TMEM242: variants seen among roughly 807,000 people sequenced by gnomAD.
TMEM242 encodes the protein transmembrane protein 242.
TMEM242 carries 10 observed loss-of-function variants against 18.2 expected under a neutral mutation model. The ratio of observed to expected loss-of-function variants is 0.55; its 90% CI spans 0.34 to 0.93. The LOEUF is 0.93. TMEM242 is among the 40% of genes least tolerant of loss of function. The pLI, the probability that TMEM242 is intolerant of heterozygous loss-of-function variation, is 0.02. For missense variants in TMEM242, 186 were observed against 175.5 expected (o/e 1.06, Z -0.34); for synonymous variants, 57 against 69.9 (o/e 0.81, Z 0.92).
intron 3 of TMEM242, chr6:157,300,007 G>T: frequency 8.1e-7 from 1 of 1,234,168 alleles, no homozygotes; most frequent in Middle Eastern, 2.6e-4. Context: ...TCACGGGGGT[G>T]AAGAGCCAGG....
intron 3 of TMEM242, among the ~76,000 whole-genome samples, chr6:157,310,335 C>A (rs1554248250): frequency 1.2e-4 from 1 of 8,010 alleles, no homozygotes; most frequent in Non-Finnish European, 2.9e-4. Flanking sequence ...CTTAAACTAT[C>A]TGTCTTGATA....
intron 3 of TMEM242, among the ~76,000 whole-genome samples, chr6:157,303,660 A>G (rs1281650332): frequency 6.6e-6 from 1 of 152,232 alleles, no homozygotes; most frequent in Non-Finnish European, 1.5e-5. Flanking sequence ...GGATAAAATG[A>G]AAGCAGTGTT....
At chr6:157,314,012 T>TCAC (rs1407051203) in intron 3 of TMEM242, among the ~76,000 whole-genome samples, 14 of 129,612 alleles carry the variant, frequency 1.1e-4, no homozygotes, top group Non-Finnish European at 1.3e-4. Context: ...CCTAGCCTCA[T>TCAC]AGTGTCTCAG....
rs199603148 is a variant in TMEM242 at position 157,310,991 on chromosome 6, A to C, written c.327+7791T>G. 2.5e-3 allele frequency among the ~76,000 whole-genome samples: 74 copies of C among 29,748 alleles called. 5 individuals carry two copies. Among genetic ancestry groups the C allele is most frequent in the Middle Eastern group, 0.017 (1 of 58 alleles). 19.5% of individuals were successfully genotyped at this position (29,748 alleles called of 152,430 possible). A position where few individuals can be genotyped will look rare whatever the true frequency, so the allele number is the denominator to read the frequency against. ...TCATCATAGTGTCCCAGTATGCGCTAACCTAGCCTCCCCAGTGTGCAGTCA... is the reference window on the plus strand; with the variant it reads ...TCATCATAGTGTCCCAGTATGCGCTCACCTAGCCTCCCCAGTGTGCAGTCA... On this transcript the variant is annotated intron_variant, in intron 3 of 3. Transcript: ENST00000400788.
intron 3 of TMEM242, among the ~76,000 whole-genome samples, chr6:157,304,368 G>C (rs1326619265): frequency 6.7e-6 from 1 of 150,154 alleles, no homozygotes; most frequent in South Asian, 2.1e-4. Context: ...GGGAGGCTGA[G>C]GCAGGAAAAT....
chr6:157,307,473 G>A (rs150785302), intron 3 of TMEM242, among the ~76,000 whole-genome samples: 3 of 152,230 alleles, frequency 2.0e-5, no homozygotes, highest in African/African-American at 4.8e-5. Flanking sequence ...CCAAAACAGC[G>A]GATTCCCCTG....
At chr6:157,321,602 C>G (rs1269632565) in intron 2 of TMEM242, among the ~76,000 whole-genome samples, 2 of 152,182 alleles carry the variant, frequency 1.3e-5, no homozygotes, top group African/African-American at 2.4e-5. Context: ...CAAGGATCAG[C>G]AGGGTTCTGT....
intron 3 of TMEM242, among the ~76,000 whole-genome samples, chr6:157,301,328 T>A (rs1300683810): frequency 2.6e-5 from 4 of 152,118 alleles, no homozygotes; most frequent in African/African-American, 9.7e-5. Context: ...TATTACTTTT[T>A]TTTTTTTGAG....
chr6:157,312,923 C>CAA (rs1778228893), intron 3 of TMEM242, among the ~76,000 whole-genome samples: 1 of 152,138 alleles, frequency 6.6e-6, no homozygotes, highest in Non-Finnish European at 1.5e-5. Flanking sequence ...CACCCGGCAT[C>CAA]ATCATAGTGC....
chr6:157,305,121 G>A lies in TMEM242; in HGVS notation c.328-12122C>T, dbSNP rs1459897412. 6.6e-6 allele frequency among the ~76,000 whole-genome samples: 1 copy of A among 152,126 alleles called. No individual in the cohort carries two copies. The highest frequency in any genetic ancestry group is 1.5e-5 in the Non-Finnish European group (1 of 68,036). On this transcript the variant is annotated intron_variant, in intron 3 of 3. Coordinates refer to ENST00000400788, the MANE Select transcript of TMEM242 (RefSeq NM_018452.6). This position sits in a 1 kb window ranked among gnomAD's most constrained non-coding sequence, Gnocchi z 4.1. ...TTTTTAAAATATCTCTGGCTGCTGT[G>A]TGGAGAAAAAATTCTAGAAGGAATA...
chr6:157,292,825 A>C lies in TMEM242; in HGVS notation c.*76T>G, dbSNP rs1473932003. 1.7e-6 allele frequency: 2 copies of C among 1,160,434 alleles called. No homozygotes were observed. Among genetic ancestry groups the C allele is most frequent in the Non-Finnish European group, 1.3e-6 (1 of 779,648 alleles). 71.9% of individuals were successfully genotyped at this position (1,160,434 alleles called of 1,614,324 possible). A position where few individuals can be genotyped will look rare whatever the true frequency, so the allele number is the denominator to read the frequency against. On this transcript the variant is annotated 3_prime_UTR_variant, in exon 4 of 4. Coordinates refer to ENST00000400788, the MANE Select transcript of TMEM242 (RefSeq NM_018452.6). The stretch of plus-strand genomic sequence containing the variant: ...CATGTTCCTGGGAGAAATCAGTCCC[A>C]GTCCTTTTGCTGTCATGGTGTCTCC...
At chr6:157,293,944 C>T (rs587608041) in intron 3 of TMEM242, among the ~76,000 whole-genome samples, 2 of 152,118 alleles carry the variant, frequency 1.3e-5, no homozygotes, top group Non-Finnish European at 2.9e-5. Context: ...TGGTCTCAAA[C>T]TCCTGAACTC....
intron 3 of TMEM242, among the ~76,000 whole-genome samples, chr6:157,310,203 G>A (rs1414543700): frequency 2.0e-5 from 3 of 152,214 alleles, no homozygotes; most frequent in Admixed American, 2.0e-4. Context: ...AAAAGTCACT[G>A]CTCTTGAGTC....
rs1422980773 is a variant in TMEM242 at position 157,318,518 on chromosome 6, C to T, written c.327+264G>A. 7.0e-5 allele frequency: 32 copies of T among 458,650 alleles called. No homozygotes were observed. In the East Asian group the frequency reaches 9.3e-4, roughly 13 times the overall value. The allele number at this position is 458,650 out of a possible 1,614,324, so 28.4% of individuals were successfully genotyped here. A position where few individuals can be genotyped will look rare whatever the true frequency, so the allele number is the denominator to read the frequency against. ...GATTACAGGCATAACCCACTGCACT[C>T]GCCCTAATGTCAATTTATATAGAAC... is the stretch of plus-strand genomic sequence containing the variant. On this transcript the variant is annotated intron_variant, in intron 3 of 3. Coordinates refer to ENST00000400788, the MANE Select transcript of TMEM242 (RefSeq NM_018452.6).
chr6:157,300,628 C>CA (rs1777817467), intron 3 of TMEM242, among the ~76,000 whole-genome samples: 1 of 152,156 alleles, frequency 6.6e-6, no homozygotes, highest in Non-Finnish European at 1.5e-5. Context: ...GCGCCGGAGG[C>CA]CTATTTATAA....
chr6:157,310,630 C>T (rs1554248357), intron 3 of TMEM242, among the ~76,000 whole-genome samples: 1 of 99,824 alleles, frequency 1.0e-5, no homozygotes, highest in African/African-American at 3.8e-5. Flanking sequence ...CTAGCCTCAT[C>T]ATAGTGTCCC....
intron 3 of TMEM242, among the ~76,000 whole-genome samples, chr6:157,312,315 CTCA>C (rs1554249214): frequency 1.3e-5 from 2 of 152,140 alleles, no homozygotes; most frequent in East Asian, 3.9e-4. Flanking sequence ...TTGATCTGAC[CTCA>C]TTATAGTGCC....
chr6:157,302,899 C>T (rs2128413437), intron 3 of TMEM242, among the ~76,000 whole-genome samples: 1 of 152,306 alleles, frequency 6.6e-6, no homozygotes, highest in South Asian at 2.1e-4. Flanking sequence ...AGTCCCTGGG[C>T]CAAGAATGGC....
In TMEM242 at chr6:157,291,924, TACAATTGCAGTAAAA is replaced by T. The variant is rs1204655785; in HGVS notation, c.*962_*976del. ...TTCTCTTCTTGAAAATATTTTAAAA[TACAATTGCAGTAAAA>T]ACAATTGCATGTAGACATTATTCTC... On this transcript the variant is annotated 3_prime_UTR_variant, in exon 4 of 4. Coordinates refer to ENST00000400788, the MANE Select transcript of TMEM242 (RefSeq NM_018452.6). 1.3e-5 allele frequency: 2 copies of T among 152,232 alleles called. No individual in the cohort carries two copies. Among genetic ancestry groups the T allele is most frequent in the African/African-American group, 4.8e-5 (2 of 41,454 alleles). 9.4% of individuals were successfully genotyped at this position (152,232 alleles called of 1,614,324 possible).
Sources: allele counts gnomAD v4.1 joint callset (sites outside exome capture counted in the v4.1 genomes callset), GRCh38; gene constraint gnomAD v4.1.1; non-coding constraint Gnocchi (gnomAD v3.1); transcripts MANE v1.5; gene names NCBI Gene and HGNC (gene_info 2026-07-23, HGNC 2026-07-21).